Variants in LAMA4 observed in about 807,000 individuals in gnomAD.
The protein encoded by LAMA4 is laminin subunit alpha-4.
A neutral mutation model predicts 207.1 loss-of-function variants in LAMA4; 127 were observed. The ratio of observed to expected loss-of-function variants is 0.61; its 90% CI spans 0.53 to 0.71. LAMA4 has a LOEUF of 0.71. Among genes scored for constraint, LAMA4 ranks in the 30% least tolerant of loss-of-function variants. LAMA4 has a pLI of 0.00. For synonymous variants in LAMA4, 761 were observed against 816.0 expected (o/e 0.93, Z 1.15); for missense variants, 2,093 against 2,246.5 (o/e 0.93, Z 1.38).
rs973627092 is a variant in LAMA4, at chr6:112,154,307, T to C, written c.2056+544A>G. The stretch of plus-strand genomic sequence containing the variant: ...GCCTTTGGAAATGCTTCTTACCATA[T>C]GCTTGTTAGGTCTGTCCTAAATACA... On this transcript the variant is annotated intron_variant, in intron 16 of 38. Transcript: ENST00000230538. Among the ~76,000 whole-genome samples the C allele has an allele frequency of 4.7e-5, 7 of 148,390 alleles. No homozygotes were observed. The Admixed American group carries it at 4.8e-4, about 10-fold the overall frequency.
Position 112,254,057 on chromosome 6 carries a change from A to T in LAMA4, c.94T>A (p.Phe32Ile), listed in dbSNP as rs1584036827. 5 of 1,607,000 alleles carry T rather than the reference A, an allele frequency of 3.1e-6. No homozygotes were observed. The East Asian group carries it at 1.1e-4, about 36-fold the overall frequency. ...GAGCTCCCTTCAATGTCAAAAGGAA[A>T]AGCGTTGTCGTCCCCGGACGCGGCG... is the stretch of plus-strand genomic sequence containing the variant. ...SRAASGDDNA[F>I]PFDIEGSSAV... The change falls in exon 2 of 39, where the codon TTT becomes ATT. Residue 32 changes from phenylalanine (F) to isoleucine (I), a missense_variant. Phe to Ile is a conservative substitution (Grantham distance 21). Transcript: ENST00000230538.
intron 11 of LAMA4, among the ~76,000 whole-genome samples, 168 bp downstream of exon 11, chr6:112,175,145 G>T (rs1781945832): frequency 6.6e-6 from 1 of 152,166 alleles, no homozygotes; most frequent in African/African-American, 2.4e-5. Flanking sequence ...TGGTTATAAA[G>T]TCAAGTTGTC....
At chr6:112,201,542 G>T in intron 5 of LAMA4, 66 bp downstream of exon 5, 1 of 1,274,822 alleles carries the variant, frequency 7.8e-7, no homozygotes, top group Non-Finnish European at 1.1e-6. Context: ...TGGCAGAGCT[G>T]TTGAGTGTGA....
At chr6:112,209,149 C>T (rs782787229) in intron 3 of LAMA4, among the ~76,000 whole-genome samples, 1 of 152,158 alleles carries the variant, frequency 6.6e-6, no homozygotes, top group Non-Finnish European at 1.5e-5. Flanking sequence ...TACCATGAAA[C>T]TAAGCCATAA....
At chr6:112,171,973 T>C (rs540717994) in intron 12 of LAMA4, 1 of 154,136 alleles carries the variant, frequency 6.5e-6, no homozygotes, top group Non-Finnish European at 1.4e-5. Flanking sequence ...TGAACATGCA[T>C]GTGTCATCCT....
At position 112,119,017 on chromosome 6, in the gene LAMA4, A is replaced by G; in HGVS notation, c.4821+139T>C. 7 of 831,610 alleles carry G rather than the reference A, an allele frequency of 8.4e-6. No individual in the cohort carries two copies. In the South Asian group the frequency reaches 8.6e-5, roughly 10 times the overall value. The allele number at this position is 831,610 out of a possible 1,614,324, so 51.5% of individuals were successfully genotyped here. A position where few individuals can be genotyped will look rare whatever the true frequency, so the allele number is the denominator to read the frequency against. The stretch of plus-strand genomic sequence containing the variant: ...ACAGGCAGCCCATAAGACAGTACTT[A>G]CTTTGATATCCCATTTCCAGAAAAC... On this transcript the variant is annotated intron_variant, in intron 34 of 38. Coordinates refer to ENST00000230538, the MANE Select transcript of LAMA4 (RefSeq NM_001105206.3).
At chr6:112,195,479 C>G (rs782650427) in intron 5 of LAMA4, among the ~76,000 whole-genome samples, 4 of 152,124 alleles carry the variant, frequency 2.6e-5, no homozygotes, top group African/African-American at 9.7e-5. Flanking sequence ...TCACAGTAAA[C>G]CTCAATAAAG....
chr6:112,156,661 C>T (rs888682585), intron 14 of LAMA4, among the ~76,000 whole-genome samples: 3 of 152,150 alleles, frequency 2.0e-5, no homozygotes, highest in African/African-American at 7.2e-5. Context: ...ATCATCACCT[C>T]ATTTGTCAGT....
chr6:112,216,518 G>A, intron 2 of LAMA4, 49 bp from the exon 3 acceptor site: 1 of 1,282,924 alleles, frequency 7.8e-7, no homozygotes. Flanking sequence ...GATTGATTTT[G>A]GTCAATATTT....
At chr6:112,233,396 G>A (rs551701329) in intron 2 of LAMA4, among the ~76,000 whole-genome samples, 1 of 152,246 alleles carries the variant, frequency 6.6e-6, no homozygotes, top group East Asian at 1.9e-4. Flanking sequence ...TTTTGAGCAC[G>A]AATTTTAAAA....
chr6:112,132,433 C>G (rs1779091479), intron 28 of LAMA4, among the ~76,000 whole-genome samples: 1 of 151,874 alleles, frequency 6.6e-6, no homozygotes, highest in Admixed American at 6.6e-5. Context: ...TGGTGTGTTG[C>G]CTAGAGTCAT....
At chr6:112,124,859 C>T (rs147788868) in intron 31 of LAMA4, among the ~76,000 whole-genome samples, 1,593 of 151,614 alleles carry the variant, frequency 0.011, 25 homozygotes, top group African/African-American at 0.034. Context: ...CAGGTTCAAG[C>T]GATTCTCCTG....
At chr6:112,110,450 G>A (rs1404361460) in intron 38 of LAMA4, among the ~76,000 whole-genome samples, 1 of 152,180 alleles carries the variant, frequency 6.6e-6, no homozygotes, top group East Asian at 1.9e-4. Flanking sequence ...TGAAACATCA[G>A]CAAGCAGCTG....
chr6:112,130,196 A>AAAATGGTT, intron 29 of LAMA4, 156 bp from the exon 30 acceptor site: 1 of 653,864 alleles, frequency 1.5e-6, no homozygotes, highest in Admixed American at 2.7e-5. Context: ...GGCCCAGGAT[A>AAAATGGTT]AAATGGTTGG....
chr6:112,223,175 T>G (rs1056600491), intron 2 of LAMA4, among the ~76,000 whole-genome samples: 1 of 152,212 alleles, frequency 6.6e-6, no homozygotes, highest in Non-Finnish European at 1.5e-5. Flanking sequence ...CCTCTGATGC[T>G]GCCAGATTTT....
At chr6:112,165,101 T>A (rs1362825869) in intron 13 of LAMA4, 59 bp downstream of exon 13, 1 of 880,794 alleles carries the variant, frequency 1.1e-6, no homozygotes, top group Non-Finnish European at 2.0e-6. Flanking sequence ...TCTGTGACAC[T>A]GAGCTGCTGT....
chr6:112,110,218 TAGA>T (rs1554321178), intron 38 of LAMA4, among the ~76,000 whole-genome samples: 1 of 152,040 alleles, frequency 6.6e-6, no homozygotes. Context: ...ATTAGAAATC[TAGA>T]AGAAGCCTTA....
intron 31 of LAMA4, among the ~76,000 whole-genome samples, chr6:112,125,661 G>A (rs1778646264): frequency 6.6e-6 from 1 of 152,078 alleles, no homozygotes; most frequent in African/African-American, 2.4e-5. Context: ...TTACCTTTTT[G>A]GAAAGCAATT....
intron 6 of LAMA4, among the ~76,000 whole-genome samples, chr6:112,189,566 A>G (rs1554347885): frequency 1.3e-5 from 2 of 152,164 alleles, no homozygotes; most frequent in African/African-American, 4.8e-5. Flanking sequence ...TCAACTGGAA[A>G]TTGAAAGCCA....
Sources: gnomAD v4.1 joint callset for allele counts (sites outside exome capture counted in the v4.1 genomes callset) on GRCh38, gnomAD v4.1.1 for gene constraint, MANE v1.5 for transcripts, NCBI Gene and HGNC (gene_info 2026-07-23, HGNC 2026-07-21) for gene names.